ANO10: variants seen among roughly 807,000 people sequenced by gnomAD.
ANO10 encodes the protein anoctamin-10.
Under a neutral mutation model 74.7 loss-of-function variants are expected in ANO10, and 77 were observed. The observed-to-expected ratio is 1.03, with a 90% CI of 0.86 to 1.25. The LOEUF (loss-of-function observed/expected upper bound fraction) is 1.25, where lower values mean the gene tolerates loss of function less well. Ranked by LOEUF, ANO10 falls within the 50% of genes most tolerant of loss-of-function variation. The pLI is 0.00. For synonymous variants in ANO10, 279 were observed against 284.9 expected (o/e 0.98, Z 0.21); for missense variants, 721 against 778.1 (o/e 0.93, Z 0.87).
In ANO10 at chr3:43,573,176, T is replaced by C. The variant is rs149248195; in HGVS notation, c.1218+1633A>G. The stretch of plus-strand genomic sequence containing the variant: ...TTAATGTATCCCATATTCCTTTACT[T>C]TCTTACACAGAGGGCACAGAACAGA... On this transcript the variant is annotated intron_variant, in intron 7 of 12. Transcript: ENST00000292246. Among the ~76,000 whole-genome samples, 117 of 152,294 alleles carry C rather than the reference T, an allele frequency of 7.7e-4. 1 individual carries two copies. In the East Asian group the frequency reaches 0.022, roughly 29 times the overall value.
At chr3:43,491,795 GATATA>G (rs917364601) in intron 11 of ANO10, among the ~76,000 whole-genome samples, 1 of 152,020 alleles carries the variant, frequency 6.6e-6, no homozygotes, top group African/African-American at 2.4e-5. Flanking sequence ...TACAGAATAT[GATATA>G]ATATAATAAT....
intron 12 of ANO10, among the ~76,000 whole-genome samples, chr3:43,402,599 A>AG (rs1363564468): frequency 2.0e-5 from 3 of 152,098 alleles, no homozygotes. Context: ...ACCTGGCTAC[A>AG]GGCTGAAGGA....
chr3:43,372,685 A>G (rs945703723), intron 12 of ANO10: 16 of 632,900 alleles, frequency 2.5e-5, no homozygotes, highest in East Asian at 8.4e-5. Flanking sequence ...TGGTTTATTC[A>G]TTGTTTGCAG....
At chr3:43,641,702 T>C (rs1433270794) in intron 1 of ANO10, among the ~76,000 whole-genome samples, 1 of 152,226 alleles carries the variant, frequency 6.6e-6, no homozygotes, top group Non-Finnish European at 1.5e-5. Flanking sequence ...AGAGCACACA[T>C]GGCACTGTCT....
intron 11 of ANO10, among the ~76,000 whole-genome samples, chr3:43,451,127 G>A (rs575788510): frequency 2.6e-5 from 4 of 152,308 alleles, no homozygotes; most frequent in African/African-American, 9.6e-5. Flanking sequence ...GTTGCTTAAG[G>A]AGTTGGACCT....
At chr3:43,683,135 C>T (rs2084224091) in intron 1 of ANO10, among the ~76,000 whole-genome samples, 1 of 152,190 alleles carries the variant, frequency 6.6e-6, no homozygotes, top group Admixed American at 6.5e-5. Context: ...AAGAGGAAGT[C>T]TAATTGTCCC....
intron 1 of ANO10, among the ~76,000 whole-genome samples, chr3:43,684,513 G>T (rs904119364): frequency 1.3e-5 from 2 of 152,192 alleles, no homozygotes; most frequent in Non-Finnish European, 2.9e-5. Context: ...CATTGTGGAA[G>T]TCAGTGTGGT....
chr3:43,498,733 C>T (rs984533756), intron 11 of ANO10, among the ~76,000 whole-genome samples: 2 of 152,200 alleles, frequency 1.3e-5, no homozygotes, highest in African/African-American at 4.8e-5. Flanking sequence ...TATTCTTGCG[C>T]ATCCCCAGGG....
chr3:43,419,154 C>A (rs534107002), intron 12 of ANO10, among the ~76,000 whole-genome samples: 1 of 152,358 alleles, frequency 6.6e-6, no homozygotes, highest in African/African-American at 2.4e-5. Context: ...AACATGGCAG[C>A]TAGCTTCGCA....
intron 11 of ANO10, among the ~76,000 whole-genome samples, chr3:43,513,854 G>T (rs535347886): frequency 6.6e-6 from 1 of 151,956 alleles, no homozygotes; most frequent in African/African-American, 2.4e-5. Flanking sequence ...GGGAAGAAAT[G>T]ACAGATCAGG....
In ANO10 at chr3:43,605,776, TC is replaced by T; in HGVS notation, c.76del (p.Asp26MetfsTer10). 1 of 1,613,782 alleles carries T rather than the reference TC, an allele frequency of 6.2e-7. No homozygotes were observed. The highest frequency in any genetic ancestry group is 1.1e-5 in the South Asian group (1 of 91,072). On this transcript the variant is annotated frameshift_variant, in exon 2 of 13. Transcript: ENST00000292246. LOFTEE classifies it high-confidence loss of function. ...TPLVVIELAQ[D>X]VKEETKEWLK... is the part of the protein sequence containing the mutation. ...CCATTCTTTGGTTTCTTCTTTGACATCCTGAGCAAGTTCTATGACCACCAAA... is the reference window on the plus strand; with the variant it reads ...CCATTCTTTGGTTTCTTCTTTGACATCTGAGCAAGTTCTATGACCACCAAA...
intron 1 of ANO10, among the ~76,000 whole-genome samples, chr3:43,613,557 T>C (rs189372349): frequency 7.1e-4 from 108 of 152,358 alleles, no homozygotes; most frequent in African/African-American, 2.4e-3. Flanking sequence ...TGTAGGTTTC[T>C]GAGCAGAGGA....
intron 1 of ANO10, among the ~76,000 whole-genome samples, chr3:43,661,345 G>A (rs1279780199): frequency 2.6e-5 from 4 of 152,234 alleles, no homozygotes; most frequent in East Asian, 1.9e-4. Flanking sequence ...CTTTACAGAC[G>A]AGCAAATGCT....
chr3:43,595,325 G>A (rs139433314), intron 4 of ANO10, among the ~76,000 whole-genome samples: 2 of 152,166 alleles, frequency 1.3e-5, no homozygotes, highest in Non-Finnish European at 2.9e-5. Context: ...GAGAATTTTA[G>A]ATCAATATCC....
chr3:43,478,339 G>C (rs1311738764), intron 11 of ANO10, among the ~76,000 whole-genome samples: 2 of 152,176 alleles, frequency 1.3e-5, no homozygotes, highest in Admixed American at 6.5e-5. Flanking sequence ...TCACCACTGT[G>C]CTATGTGTTT....
intron 11 of ANO10, among the ~76,000 whole-genome samples, chr3:43,449,562 C>A (rs539324690): frequency 1.0e-4 from 13 of 126,100 alleles, no homozygotes; most frequent in African/African-American, 3.9e-4. Context: ...TGTTACAGCA[C>A]CCTTTGTTGA....
intron 12 of ANO10, among the ~76,000 whole-genome samples, chr3:43,375,913 A>C (rs1049089852): frequency 6.6e-6 from 1 of 152,234 alleles, no homozygotes; most frequent in African/African-American, 2.4e-5. Context: ...CAATATTTTT[A>C]ATAAGTAAAA....
Position 43,605,077 on chromosome 3 carries a change from C to T in ANO10, c.139+637G>A, listed in dbSNP as rs569175436. On this transcript the variant is annotated intron_variant, in intron 2 of 12. Coordinates refer to ENST00000292246, the MANE Select transcript of ANO10 (RefSeq NM_018075.5). ...TGCTCATGTAAAACACTAAAACACC[C>T]GCTGCTTTCTCACCCAGACTGGGAA... 9.9e-5 allele frequency among the ~76,000 whole-genome samples: 15 copies of T among 152,172 alleles called. No homozygotes were observed. In the South Asian group the frequency reaches 2.5e-3, roughly 25 times the overall value.
intron 1 of ANO10, among the ~76,000 whole-genome samples, chr3:43,688,045 A>G (rs988484045): frequency 6.6e-6 from 1 of 152,352 alleles, no homozygotes; most frequent in East Asian, 1.9e-4. Context: ...AGGTGAAGCT[A>G]GAACAGAGCT....
Sources: gnomAD v4.1 joint callset for allele counts (sites outside exome capture counted in the v4.1 genomes callset) on GRCh38, gnomAD v4.1.1 for gene constraint, MANE v1.5 for transcripts, NCBI Gene and HGNC (gene_info 2026-07-23, HGNC 2026-07-21) for gene names.